Variants in ACVR2A observed in about 807,000 individuals in gnomAD.
The protein encoded by ACVR2A is activin receptor type-2A.
A neutral mutation model predicts 61.4 loss-of-function variants in ACVR2A; 7 were observed. That is an observed-to-expected ratio of 0.11 (90% CI 0.06 to 0.21). The LOEUF (loss-of-function observed/expected upper bound fraction) is 0.21. ACVR2A is among the 10% of genes least tolerant of loss of function. ACVR2A has a pLI of 1.00. For missense variants in ACVR2A, 322 were observed against 621.7 expected (o/e 0.52, Z 5.13); for synonymous variants, 193 against 208.3 (o/e 0.93, Z 0.63).
intron 1 of ACVR2A, among the ~76,000 whole-genome samples, chr2:147,882,145 T>C (rs1167508125): frequency 6.6e-6 from 1 of 152,234 alleles, no homozygotes; most frequent in Non-Finnish European, 1.5e-5. Context: ...CAGGTAGATA[T>C]ATATTTATTT....
chr2:147,930,254 C>T lies in ACVR2A; in HGVS notation c.*2980C>T, dbSNP rs1225195630. The T allele has an allele frequency of 6.6e-6, 1 of 152,080 alleles. No homozygotes were observed. Among genetic ancestry groups the T allele is most frequent in the Non-Finnish European group, 1.5e-5 (1 of 67,920 alleles). 9.4% of individuals were successfully genotyped at this position (152,080 alleles called of 1,614,324 possible). On this transcript the variant is annotated 3_prime_UTR_variant, in exon 11 of 11. Coordinates refer to ENST00000241416, the MANE Select transcript of ACVR2A (RefSeq NM_001616.5). The stretch of plus-strand genomic sequence containing the variant: ...AATCTCTTCTGTTGCATTTCCTCAC[C>T]CCTAAGTAACAGCTACATTTAAGTA...
chr2:147,914,917 G>A (rs1687213542), intron 4 of ACVR2A, among the ~76,000 whole-genome samples: 1 of 151,918 alleles, frequency 6.6e-6, no homozygotes, highest in Admixed American at 6.6e-5. Context: ...ATATTACTGA[G>A]ACTGATCAGA....
At chr2:147,875,805 T>A (rs1686139129) in intron 1 of ACVR2A, among the ~76,000 whole-genome samples, 1 of 152,090 alleles carries the variant, frequency 6.6e-6, no homozygotes, top group Admixed American at 6.6e-5. Flanking sequence ...AGATGTCAGA[T>A]AAAGGGACAA....
chr2:147,926,921 TTTTC>T (rs1477881151), intron 10 of ACVR2A, among the ~76,000 whole-genome samples, 155 bp from the exon 11 acceptor site: 1 of 151,898 alleles, frequency 6.6e-6, no homozygotes, highest in Non-Finnish European at 1.5e-5. Flanking sequence ...CTGTTTGTGC[TTTTC>T]TTTATGATTC....
chr2:147,902,173 G>T (rs1040752770), intron 4 of ACVR2A, among the ~76,000 whole-genome samples: 1 of 151,896 alleles, frequency 6.6e-6, no homozygotes, highest in African/African-American at 2.4e-5. Context: ...ACTCCTGAAA[G>T]TATGGAATGG....
Position 147,896,308 on chromosome 2 carries a change from A to G in ACVR2A, c.63A>G (p.Ile21Met), listed in dbSNP as rs755742197. ...GTTTTTATTATCTTATAGGTGCTAT[A>G]CTTGGTAGATCAGAAACTCAGGAGT... ...VFLISCSSGAILGRSETQECL... is the reference protein window; with the variant it reads ...VFLISCSSGAMLGRSETQECL... Residue 21 changes from isoleucine to methionine, a missense_variant, in exon 2 of 11, where the codon ATA becomes ATG. Coordinates refer to ENST00000241416, the MANE Select transcript of ACVR2A (RefSeq NM_001616.5). 6.2e-7 allele frequency: 1 copy of G among 1,613,282 alleles called. No homozygotes were observed. Among genetic ancestry groups the G allele is most frequent in the South Asian group, 1.1e-5 (1 of 91,040 alleles).
chr2:147,847,400 T>G (rs749443060), intron 1 of ACVR2A, among the ~76,000 whole-genome samples: 6 of 152,198 alleles, frequency 3.9e-5, no homozygotes, highest in Non-Finnish European at 8.8e-5. Context: ...TAATTGATTT[T>G]TCTACAAAAT....
chr2:147,844,594 A>ACCGCCGCCGCCGCTG (rs1553483166), upstream of ACVR2A: 1 of 146,368 alleles, frequency 6.8e-6, no homozygotes, highest in Non-Finnish European at 1.5e-5. Context: ...CGCCGCCTGC[A>ACCGCCGCCGCCGCTG]CCGCCGCCGC....
chr2:147,908,258 C>A (rs1687036431), intron 4 of ACVR2A, among the ~76,000 whole-genome samples: 1 of 152,038 alleles, frequency 6.6e-6, no homozygotes. Context: ...TCAAAATAAA[C>A]TTCTGTAGCC....
At chr2:147,904,158 G>A (rs945902758) in intron 4 of ACVR2A, among the ~76,000 whole-genome samples, 2 of 151,890 alleles carry the variant, frequency 1.3e-5, no homozygotes, top group African/African-American at 4.8e-5. Context: ...CTTTTCTTTT[G>A]CCTGTGCTGA....
At chr2:147,918,920 A>G (rs959577157) in intron 7 of ACVR2A, among the ~76,000 whole-genome samples, 1 of 152,114 alleles carries the variant, frequency 6.6e-6, no homozygotes, top group African/African-American at 2.4e-5. Flanking sequence ...TTATTATCCA[A>G]GGGCATGTAA....
At chr2:147,920,761 A>AGTTTATTGCTTCTTGTT (rs1687360668) in intron 8 of ACVR2A, among the ~76,000 whole-genome samples, 1 of 152,136 alleles carries the variant, frequency 6.6e-6, no homozygotes, top group South Asian at 2.1e-4. Context: ...ATGCAATAAT[A>AGTTTATTGCTTCTTGTT]GTTTATTGCT....
At chr2:147,892,835 G>T in intron 1 of ACVR2A, among the ~76,000 whole-genome samples, 1 of 151,334 alleles carries the variant, frequency 6.6e-6, no homozygotes. Flanking sequence ...TGGTGTGACT[G>T]TTTTTCTTTG....
chr2:147,917,131 G>A, intron 5 of ACVR2A, 152 bp from the exon 6 acceptor site: 3 of 681,602 alleles, frequency 4.4e-6, no homozygotes, highest in Non-Finnish European at 6.9e-6. Context: ...TATTGTCAGA[G>A]CTTTTTCTTA....
At position 147,896,332 on chromosome 2, in the gene ACVR2A, G is replaced by A. The variant is rs770464422; in HGVS notation, c.87G>A (p.Glu29=). The part of the protein sequence containing the change: ...GAILGRSETQ[E]CLFFNANWEK... ...TACTTGGTAGATCAGAAACTCAGGA[G>A]TGTCTTTTCTTTAATGCTAATTGGG... Residue 29 remains glutamate (E), a synonymous_variant, in exon 2 of 11, where the codon GAG becomes GAA. Coordinates refer to ENST00000241416, the MANE Select transcript of ACVR2A (RefSeq NM_001616.5). 6.2e-7 allele frequency: 1 copy of A among 1,613,830 alleles called. No individual in the cohort carries two copies. Among genetic ancestry groups the A allele is most frequent in the African/African-American group, 1.3e-5 (1 of 74,998 alleles).
In ACVR2A at chr2:147,927,419, T is replaced by C. The variant is rs1687529721; in HGVS notation, c.*145T>C. ...AGAAAGAAGACCCTTTGTTGAAAAA[T>C]GTTGCTCTGGGAGACTTACTGCATT... is the stretch of plus-strand genomic sequence containing the variant. On this transcript the variant is annotated 3_prime_UTR_variant, in exon 11 of 11. Coordinates refer to ENST00000241416, the MANE Select transcript of ACVR2A (RefSeq NM_001616.5). The C allele has an allele frequency of 4.9e-6, 4 of 818,770 alleles. No homozygotes were observed. Among genetic ancestry groups the C allele is most frequent in the Non-Finnish European group, 5.4e-6 (3 of 551,000 alleles). 50.7% of individuals were successfully genotyped at this position (818,770 alleles called of 1,614,324 possible). A position where few individuals can be genotyped will look rare whatever the true frequency, so the allele number is the denominator to read the frequency against.
chr2:147,927,051 C>T (rs1386323563), intron 10 of ACVR2A, 29 bp from the exon 11 acceptor site: 13 of 1,589,226 alleles, frequency 8.2e-6, no homozygotes, highest in Non-Finnish European at 9.4e-6. Context: ...ACTGCTGTGG[C>T]GTTTGAGTAT....
At chr2:147,862,743 CAAA>C (rs5835174) in intron 1 of ACVR2A, among the ~76,000 whole-genome samples, 3 of 142,582 alleles carry the variant, frequency 2.1e-5, no homozygotes, top group Admixed American at 1.4e-4. Flanking sequence ...GACTCTGTCT[CAAA>C]AAAAAAAAAA....
At chr2:147,861,180 T>G (rs1419197746) in intron 1 of ACVR2A, among the ~76,000 whole-genome samples, 1 of 152,224 alleles carries the variant, frequency 6.6e-6, no homozygotes, top group Non-Finnish European at 1.5e-5. Context: ...TACCCACCAG[T>G]GTCAAGCTCT....
Sources: gnomAD v4.1 joint callset for allele counts (sites outside exome capture counted in the v4.1 genomes callset) on GRCh38, gnomAD v4.1.1 for gene constraint, MANE v1.5 for transcripts, NCBI Gene and HGNC (gene_info 2026-07-23, HGNC 2026-07-21) for gene names.